PLD5: variants seen among roughly 807,000 people sequenced by gnomAD.
PLD5 encodes inactive phospholipase D5.
Under a neutral mutation model 61.1 loss-of-function variants are expected in PLD5, and 36 were observed. The observed-to-expected ratio is 0.59, with a 90% CI of 0.45 to 0.78. The LOEUF (loss-of-function observed/expected upper bound fraction) is 0.78. Among genes scored for constraint, PLD5 ranks in the 30% least tolerant of loss-of-function variants. PLD5 has a pLI of 0.00. For missense variants in PLD5, 515 were observed against 644.4 expected (o/e 0.80, Z 2.17); for synonymous variants, 243 against 242.8 (o/e 1.00, Z -0.01).
chr1:242,284,131 T>A (rs1435257489), intron 3 of PLD5, among the ~76,000 whole-genome samples: 2 of 120,204 alleles, frequency 1.7e-5, no homozygotes, highest in Admixed American at 1.7e-4. Flanking sequence ...TTTTTTTTTT[T>A]TTTTTTTTTT....
intron 9 of PLD5, among the ~76,000 whole-genome samples, chr1:242,098,382 G>T (rs1382776525): frequency 6.6e-6 from 1 of 152,156 alleles, no homozygotes; most frequent in Admixed American, 6.5e-5. Context: ...TCGTCACGTA[G>T]TTCTCATGCC....
At chr1:242,409,255 A>AGCAAGTACAATAAATACTT (rs1664413923) in intron 1 of PLD5, among the ~76,000 whole-genome samples, 1 of 152,140 alleles carries the variant, frequency 6.6e-6, no homozygotes, top group Admixed American at 6.5e-5. Flanking sequence ...TTCTCTACAT[A>AGCAAGTACAATAAATACTT]GCAAGTACAA....
chr1:242,412,731 T>C (rs1664622569), intron 1 of PLD5, among the ~76,000 whole-genome samples: 2 of 152,244 alleles, frequency 1.3e-5, no homozygotes, highest in Non-Finnish European at 2.9e-5. Flanking sequence ...TGTTCTGAGC[T>C]GATTCCAGTT....
chr1:242,411,184 T>A (rs925931275), intron 1 of PLD5, among the ~76,000 whole-genome samples: 1 of 152,168 alleles, frequency 6.6e-6, no homozygotes, highest in African/African-American at 2.4e-5. Flanking sequence ...GAGCTCACTC[T>A]CTCTCTACAA....
At chr1:242,344,717 T>TA (rs1660031355) in intron 2 of PLD5, among the ~76,000 whole-genome samples, 1 of 151,922 alleles carries the variant, frequency 6.6e-6, no homozygotes, top group South Asian at 2.1e-4. Context: ...CATAACCCAT[T>TA]AAGGGTGAAG....
chr1:242,090,781 G>A (rs948745707), intron 9 of PLD5, among the ~76,000 whole-genome samples: 2 of 152,162 alleles, frequency 1.3e-5, no homozygotes, highest in African/African-American at 4.8e-5. Context: ...ATTGTCTCAC[G>A]GTTCTGGAGA....
intron 1 of PLD5, among the ~76,000 whole-genome samples, chr1:242,360,790 G>A (rs1857145): frequency 0.95 from 144,141 of 152,204 alleles, 68,725 homozygotes; most frequent in Non-Finnish European, 1. Context: ...ATTTTACAAT[G>A]GAAAAAAGTG....
At chr1:242,317,923 C>T (rs1179159982) in intron 2 of PLD5, among the ~76,000 whole-genome samples, 1 of 152,148 alleles carries the variant, frequency 6.6e-6, no homozygotes, top group Non-Finnish European at 1.5e-5. Context: ...CACTTTCCCT[C>T]TGCTCCTCAA....
rs531563949 is a variant in PLD5 at position 242,470,336 on chromosome 1, G to C, written c.189+53752C>G. Among the ~76,000 whole-genome samples the C allele has an allele frequency of 2.8e-5, 4 of 145,026 alleles. No homozygotes were observed. In the South Asian group the frequency reaches 6.6e-4, roughly 24 times the overall value. On this transcript the variant is annotated intron_variant, in intron 1 of 9. Coordinates refer to ENST00000536534, the MANE Select transcript of PLD5 (RefSeq NM_001372062.1). ...CAGCTTGGGCGACAGAGCGACACTC[G>C]GTCTCAAAGAAAAAAAAAAAAGAAA...
intron 1 of PLD5, among the ~76,000 whole-genome samples, chr1:242,513,329 T>C (rs1304357941): frequency 6.6e-6 from 1 of 152,234 alleles, no homozygotes; most frequent in African/African-American, 2.4e-5. Flanking sequence ...TAGTCAAGTT[T>C]ATCAATATTA....
chr1:242,436,400 A>G (rs1665997493), intron 1 of PLD5, among the ~76,000 whole-genome samples: 1 of 152,170 alleles, frequency 6.6e-6, no homozygotes, highest in South Asian at 2.1e-4. Flanking sequence ...CCTGTCATAA[A>G]TGTTTAACTG....
intron 4 of PLD5, among the ~76,000 whole-genome samples, chr1:242,232,279 A>G (rs958216698): frequency 6.6e-6 from 1 of 152,226 alleles, no homozygotes; most frequent in Non-Finnish European, 1.5e-5. Context: ...ATTACACCAG[A>G]TATTTTAATA....
chr1:242,169,329 T>C (rs1666568640), intron 5 of PLD5, among the ~76,000 whole-genome samples: 1 of 151,938 alleles, frequency 6.6e-6, no homozygotes, highest in African/African-American at 2.4e-5. Context: ...ACCTGGGAAG[T>C]GCAAGGGGTC....
At chr1:242,152,518 CT>C (rs1160730845) in intron 5 of PLD5, among the ~76,000 whole-genome samples, 2 of 151,952 alleles carry the variant, frequency 1.3e-5, no homozygotes, top group African/African-American at 2.4e-5. Flanking sequence ...CCCCTACCCC[CT>C]AACAGGCCCC....
chr1:242,413,439 G>A lies in PLD5; in HGVS notation c.190-65197C>T, dbSNP rs1057378396. On this transcript the variant is annotated intron_variant, in intron 1 of 9. Transcript: ENST00000536534. ...CTCACAAGATGTTCACAGACTAGCA[G>A]GGGGACAAACTGCTCTCTATACTGT... Among the ~76,000 whole-genome samples the A allele has an allele frequency of 2.0e-5, 3 of 151,976 alleles. No individual in the cohort carries two copies. In the East Asian group the frequency reaches 5.8e-4, roughly 29 times the overall value.
intron 5 of PLD5, among the ~76,000 whole-genome samples, chr1:242,132,169 C>T (rs1335900633): frequency 5.0e-5 from 5 of 100,640 alleles, no homozygotes; most frequent in Non-Finnish European, 9.6e-5. Context: ...GAAAGGTGGT[C>T]ATCAAAGAGA....
At position 242,088,933 on chromosome 1, in the gene PLD5, A is replaced by AT. The variant is rs5782212; in HGVS notation, c.*920dup. On this transcript the variant is annotated 3_prime_UTR_variant, in exon 10 of 10. Transcript: ENST00000536534. ...AATTAAAATCCACTGACGCATAGAG[A>AT]TTTTTTCCTTTATAATACCATAAAC... 5.9e-6 allele frequency: 1 copy of AT among 169,610 alleles called. No individual in the cohort carries two copies. The allele number at this position is 169,610 out of a possible 1,614,324, so 10.5% of individuals were successfully genotyped here. A position where few individuals can be genotyped will look rare whatever the true frequency, so the allele number is the denominator to read the frequency against.
intron 1 of PLD5, among the ~76,000 whole-genome samples, chr1:242,395,374 A>T (rs1663512352): frequency 6.6e-6 from 1 of 151,994 alleles, no homozygotes; most frequent in African/African-American, 2.4e-5. Flanking sequence ...TTGCCTGAGT[A>T]CCTGCTAACT....
At chr1:242,192,673 G>A (rs533654348) in intron 5 of PLD5, among the ~76,000 whole-genome samples, 1 of 152,138 alleles carries the variant, frequency 6.6e-6, no homozygotes, top group Non-Finnish European at 1.5e-5. Context: ...CATGTAACAC[G>A]GACAGAAGAG....
Sources: allele counts gnomAD v4.1 joint callset (sites outside exome capture counted in the v4.1 genomes callset), GRCh38; gene constraint gnomAD v4.1.1; transcripts MANE v1.5; gene names NCBI Gene and HGNC (gene_info 2026-07-23, HGNC 2026-07-21).